Variants in PDZRN3 observed in about 807,000 individuals in gnomAD.
The protein encoded by PDZRN3 is E3 ubiquitin-protein ligase PDZRN3.
Under a neutral mutation model 85.7 loss-of-function variants are expected in PDZRN3, and 38 were observed. The observed-to-expected ratio is 0.44, with a 90% CI of 0.34 to 0.58. The LOEUF (loss-of-function observed/expected upper bound fraction) is 0.58, where lower values mean the gene tolerates loss of function less well. Among genes scored for constraint, PDZRN3 ranks in the 20% least tolerant of loss-of-function variants. The pLI, the probability that PDZRN3 is intolerant of heterozygous loss-of-function variation, is 0.01. For missense variants in PDZRN3, 1,629 were observed against 1,506.4 expected (o/e 1.08, Z -1.35); for synonymous variants, 759 against 638.0 (o/e 1.19, Z -2.86).
At chr3:73,557,635 G>A (rs1395575649) in intron 3 of PDZRN3, among the ~76,000 whole-genome samples, 1 of 73,386 alleles carries the variant, frequency 1.4e-5, no homozygotes, top group Non-Finnish European at 2.6e-5. Flanking sequence ...TTAATCTCAT[G>A]GGCAATTTTC....
At chr3:73,524,206 C>T (rs11711610) in intron 3 of PDZRN3, among the ~76,000 whole-genome samples, 39,844 of 152,074 alleles carry the variant, frequency 0.26, 5,532 homozygotes, top group Middle Eastern at 0.35. Flanking sequence ...ATAGTCAAGG[C>T]TGTAAACATA....
intron 3 of PDZRN3, among the ~76,000 whole-genome samples, chr3:73,531,672 G>C (rs1015002808): frequency 3.9e-5 from 6 of 152,316 alleles, no homozygotes; most frequent in South Asian, 4.1e-4. Context: ...TCCTGGTCCA[G>C]AGACAAACAC....
chr3:73,620,873 G>A (rs1386983840), intron 1 of PDZRN3, among the ~76,000 whole-genome samples: 1 of 151,700 alleles, frequency 6.6e-6, no homozygotes, highest in Admixed American at 6.6e-5. Context: ...ACTGAGCCCG[G>A]CCTAGGCAGT....
intron 2 of PDZRN3, among the ~76,000 whole-genome samples, chr3:73,605,165 C>G (rs1245930678): frequency 1.3e-5 from 2 of 151,404 alleles, no homozygotes; most frequent in Non-Finnish European, 2.9e-5. Flanking sequence ...CAAGATTGTG[C>G]CGTTGCACTC....
At chr3:73,566,800 G>A (rs979823379) in intron 3 of PDZRN3, among the ~76,000 whole-genome samples, 1 of 152,108 alleles carries the variant, frequency 6.6e-6, no homozygotes, top group African/African-American at 2.4e-5. Flanking sequence ...ACAAGAAAAC[G>A]GTGTCTTGCT....
rs1038803957 is a variant in PDZRN3 at position 73,553,095 on chromosome 3, T to G, written c.918+49259A>C. The stretch of plus-strand genomic sequence containing the variant: ...GAGACTACAAGGAAGGGAAAGTGTT[T>G]TGAAAATGTAAGACATTTCATGTTT... On this transcript the variant is annotated intron_variant, in intron 3 of 9. Transcript: ENST00000263666. Among the ~76,000 whole-genome samples, 3 of 152,204 alleles carry G rather than the reference T, an allele frequency of 2.0e-5. No homozygotes were observed. In the East Asian group the frequency reaches 5.8e-4, roughly 29 times the overall value.
intron 4 of PDZRN3, 95 bp downstream of exon 4, chr3:73,404,053 T>C (rs1210200639): frequency 7.3e-6 from 9 of 1,231,620 alleles, no homozygotes; most frequent in South Asian, 1.5e-5. Context: ...AGGAAAACTA[T>C]AGGGTGCATT....
At chr3:73,456,463 A>G (rs1409098458) in intron 3 of PDZRN3, among the ~76,000 whole-genome samples, 1 of 152,242 alleles carries the variant, frequency 6.6e-6, no homozygotes, top group African/African-American at 2.4e-5. Flanking sequence ...AAACAAAATA[A>G]TGTCTATTGC....
At chr3:73,616,707 A>G (rs1702767966) in intron 1 of PDZRN3, among the ~76,000 whole-genome samples, 1 of 152,250 alleles carries the variant, frequency 6.6e-6, no homozygotes, top group Non-Finnish European at 1.5e-5. Flanking sequence ...TTAAAATCCT[A>G]CAGGTGTCCA....
chr3:73,581,315 C>A (rs377113991), intron 3 of PDZRN3, among the ~76,000 whole-genome samples: 2 of 152,232 alleles, frequency 1.3e-5, no homozygotes, highest in Non-Finnish European at 2.9e-5. Context: ...TTTGAATAAA[C>A]ATGACTCTAC....
intron 3 of PDZRN3, among the ~76,000 whole-genome samples, chr3:73,585,009 A>G (rs952241067): frequency 1.3e-5 from 2 of 152,220 alleles, no homozygotes; most frequent in African/African-American, 2.4e-5. Context: ...AACTATTTTA[A>G]TGTGAGTCCA....
At chr3:73,408,010 C>T in intron 3 of PDZRN3, 1 of 612,774 alleles carries the variant, frequency 1.6e-6, no homozygotes, top group East Asian at 2.8e-5. Flanking sequence ...AAGAATGTCC[C>T]CCCTGCCTAC....
chr3:73,410,011 A>T (rs1052070146), intron 3 of PDZRN3, among the ~76,000 whole-genome samples: 3 of 152,196 alleles, frequency 2.0e-5, no homozygotes, highest in African/African-American at 7.2e-5. Flanking sequence ...CCCTGGCTAA[A>T]ATCCAACTTT....
chr3:73,559,360 C>T (rs1362399123), intron 3 of PDZRN3, among the ~76,000 whole-genome samples: 1 of 152,050 alleles, frequency 6.6e-6, no homozygotes, highest in Admixed American at 6.6e-5. Context: ...AACAAAACCC[C>T]TCAATGATAA....
At chr3:73,608,774 A>G (rs1020905100) in intron 1 of PDZRN3, 90 bp from the exon 2 acceptor site, 3 of 760,742 alleles carry the variant, frequency 3.9e-6, no homozygotes, top group African/African-American at 3.5e-5. Context: ...CTCAAGGACT[A>G]CTCAGCTAAT....
In PDZRN3 at chr3:73,425,410, G is replaced by A. The variant is rs528506385; in HGVS notation, c.919-21015C>T. Among the ~76,000 whole-genome samples the A allele has an allele frequency of 4.7e-4, 71 of 152,202 alleles. 1 individual carries two copies. Among genetic ancestry groups the A allele is most frequent in the African/African-American group, 1.7e-3 (69 of 41,524 alleles). On this transcript the variant is annotated intron_variant, in intron 3 of 9. Coordinates refer to ENST00000263666, the MANE Select transcript of PDZRN3 (RefSeq NM_015009.3). ...GGCCGGAAGCATCCAAAGTCTAGGG[G>A]TAAAGTGTGGCGCACAGTGTTTAAA...
intron 3 of PDZRN3, among the ~76,000 whole-genome samples, chr3:73,451,432 C>T (rs1178279374): frequency 6.6e-6 from 1 of 152,136 alleles, no homozygotes; most frequent in African/African-American, 2.4e-5. Context: ...ACCTGCCAGA[C>T]CACAAGTGCT....
intron 3 of PDZRN3, among the ~76,000 whole-genome samples, chr3:73,513,922 T>C (rs62247760): frequency 1 from 152,337 of 152,398 alleles, 76,138 homozygotes; most frequent in Middle Eastern, 1. Context: ...ATATACAAGG[T>C]TTCTATGTCC....
intron 3 of PDZRN3, among the ~76,000 whole-genome samples, chr3:73,476,495 T>C (rs968739778): frequency 1.3e-5 from 2 of 152,102 alleles, no homozygotes; most frequent in African/African-American, 4.8e-5. Flanking sequence ...CAATTCAACA[T>C]GAGATTTGGG....
Sources: gnomAD v4.1 joint callset for allele counts (sites outside exome capture counted in the v4.1 genomes callset) on GRCh38, gnomAD v4.1.1 for gene constraint, MANE v1.5 for transcripts, NCBI Gene and HGNC (gene_info 2026-07-23, HGNC 2026-07-21) for gene names.